COMMD2: variants seen among roughly 807,000 people sequenced by gnomAD.
The protein encoded by COMMD2 is COMM domain-containing protein 2.
Under a neutral mutation model 22.5 loss-of-function variants are expected in COMMD2, and 25 were observed. That is an observed-to-expected ratio of 1.11 (90% CI 0.81 to 1.55). The LOEUF (loss-of-function observed/expected upper bound fraction) is 1.55. Ranked by LOEUF, COMMD2 falls within the 40% of genes most tolerant of loss-of-function variation. The pLI is 0.00. For missense variants in COMMD2, 223 were observed against 232.9 expected, an observed-to-expected ratio of 0.96 and a Z score of 0.28; for synonymous variants, 98 against 91.2, an observed-to-expected ratio of 1.07 and a Z score of -0.42.
chr3:149,741,433 A>C lies in COMMD2; in HGVS notation c.*88T>G. On this transcript the variant is annotated 3_prime_UTR_variant, in exon 5 of 5. Coordinates refer to ENST00000473414, the MANE Select transcript of COMMD2 (RefSeq NM_016094.4). ...GGAATACTATGTATTTATCATCATG[A>C]ATTAATAAAAAATTAATTTTGAAAA... 1 of 1,020,414 alleles carries C rather than the reference A, an allele frequency of 9.8e-7. No homozygotes were observed. 63.2% of individuals were successfully genotyped at this position (1,020,414 alleles called of 1,614,324 possible).
rs1055255274 is a variant in COMMD2 at position 149,741,071 on chromosome 3, T to A, written c.*450A>T. The A allele has an allele frequency of 6.6e-6, 1 of 152,396 alleles. No homozygotes were observed. Among genetic ancestry groups the A allele is most frequent in the East Asian group, 1.9e-4 (1 of 5,192 alleles). The allele number at this position is 152,396 out of a possible 1,614,324, so 9.4% of individuals were successfully genotyped here. A position where few individuals can be genotyped will look rare whatever the true frequency, so the allele number is the denominator to read the frequency against. On this transcript the variant is annotated 3_prime_UTR_variant, in exon 5 of 5. Transcript: ENST00000473414. ...TTTTATTTTTACTTTATTATTATTA[T>A]TATTATTTTTGAGATGGAGTCTCAC...
intron 4 of COMMD2, among the ~76,000 whole-genome samples, chr3:149,747,797 C>T (rs1716420223): frequency 6.6e-6 from 1 of 151,808 alleles, no homozygotes; most frequent in African/African-American, 2.4e-5. Flanking sequence ...ATTAGCTAGG[C>T]ATGGTGGCAC....
intron 4 of COMMD2, among the ~76,000 whole-genome samples, chr3:149,745,627 A>G (rs1199544268): frequency 6.6e-6 from 1 of 152,238 alleles, no homozygotes; most frequent in Non-Finnish European, 1.5e-5. Context: ...TATTCAATAA[A>G]TGGTTTGATA....
In COMMD2 at chr3:149,740,887, T is replaced by C. The variant is rs975190398; in HGVS notation, c.*634A>G. 6.6e-6 allele frequency: 1 copy of C among 152,592 alleles called. No individual in the cohort carries two copies. The highest frequency in any genetic ancestry group is 2.4e-5 in the African/African-American group (1 of 41,416). 9.5% of individuals were successfully genotyped at this position (152,592 alleles called of 1,614,324 possible). A position where few individuals can be genotyped will look rare whatever the true frequency, so the allele number is the denominator to read the frequency against. ...ATAGATTCATTTCTAGTTGATTCAA[T>C]CCTATTTATGTATTTAAAATACAAA... On this transcript the variant is annotated 3_prime_UTR_variant, in exon 5 of 5. Transcript: ENST00000473414.
At chr3:149,747,145 G>T (rs540339631) in intron 4 of COMMD2, among the ~76,000 whole-genome samples, 1 of 152,332 alleles carries the variant, frequency 6.6e-6, no homozygotes, top group South Asian at 2.1e-4. Flanking sequence ...GCCTTTGAAT[G>T]CTTATCAAAT....
chr3:149,751,808 TCTTAC>T (rs1716539770), intron 2 of COMMD2: 1 of 272,886 alleles, frequency 3.7e-6, no homozygotes, highest in East Asian at 6.9e-5. Context: ...AGAGACTGCC[TCTTAC>T]CCAGGGGTAA....
At chr3:149,748,293 T>G (rs1716432643) in intron 4 of COMMD2, among the ~76,000 whole-genome samples, 1 of 152,136 alleles carries the variant, frequency 6.6e-6, no homozygotes, top group African/African-American at 2.4e-5. Context: ...ATGTGGGAGT[T>G]CTTTCCGATT....
chr3:149,742,267 T>C (rs1716250445), intron 4 of COMMD2, among the ~76,000 whole-genome samples: 1 of 152,194 alleles, frequency 6.6e-6, no homozygotes, highest in Admixed American at 6.5e-5. Flanking sequence ...AATATCAGAC[T>C]AGCAAAAATT....
chr3:149,742,255 C>A (rs1280466571), intron 4 of COMMD2, among the ~76,000 whole-genome samples: 2 of 152,110 alleles, frequency 1.3e-5, no homozygotes, highest in Non-Finnish European at 2.9e-5. Context: ...TACCATTTTA[C>A]AAATATCAGA....
rs1323783298 is a variant in COMMD2, at chr3:149,739,893, C to A, written c.*1628G>T. 6.6e-6 allele frequency: 1 copy of A among 152,156 alleles called. No individual in the cohort carries two copies. Among genetic ancestry groups the A allele is most frequent in the Admixed American group, 6.5e-5 (1 of 15,274 alleles). The allele number at this position is 152,156 out of a possible 1,614,324, so 9.4% of individuals were successfully genotyped here. On this transcript the variant is annotated 3_prime_UTR_variant, in exon 5 of 5. Transcript: ENST00000473414. ...CTACAGGAAAAGGGTGGCCCAGATG[C>A]CTGCAGGGACCAATGGGTAACCATC...
chr3:149,743,174 G>A (rs1425035457), intron 4 of COMMD2, among the ~76,000 whole-genome samples: 2 of 151,928 alleles, frequency 1.3e-5, no homozygotes, highest in Non-Finnish European at 2.9e-5. Context: ...CCTTTCATTT[G>A]TATAATATGT....
intron 4 of COMMD2, among the ~76,000 whole-genome samples, chr3:149,748,850 G>C (rs952363835): frequency 1.3e-5 from 2 of 152,220 alleles, no homozygotes; most frequent in African/African-American, 2.4e-5. Flanking sequence ...ATAAGAAAGA[G>C]TCGAGTCAAG....
At chr3:149,745,685 T>G (rs1314913748) in intron 4 of COMMD2, among the ~76,000 whole-genome samples, 1 of 152,122 alleles carries the variant, frequency 6.6e-6, no homozygotes, top group Non-Finnish European at 1.5e-5. Flanking sequence ...CATAAGAAAT[T>G]ATCTTTTTTA....
chr3:149,740,451 A>G lies in COMMD2; in HGVS notation c.*1070T>C, dbSNP rs1716180431. Reference sequence around the variant, plus strand: ...TCTGCATCCATTATTTGTAAATGTAAATGACAGAGTGTCTCCTAGATGCTT... The same window carrying G: ...TCTGCATCCATTATTTGTAAATGTAGATGACAGAGTGTCTCCTAGATGCTT... On this transcript the variant is annotated 3_prime_UTR_variant, in exon 5 of 5. Transcript: ENST00000473414. 6.6e-6 allele frequency: 1 copy of G among 152,220 alleles called. No homozygotes were observed. The highest frequency in any genetic ancestry group is 1.5e-5 in the Non-Finnish European group (1 of 68,036). 9.4% of individuals were successfully genotyped at this position (152,220 alleles called of 1,614,324 possible).
rs1224604368 is a variant in COMMD2, at chr3:149,741,223, C to A, written c.*298G>T. The A allele has an allele frequency of 7.0e-6, 2 of 286,052 alleles. No homozygotes were observed. Among genetic ancestry groups the A allele is most frequent in the South Asian group, 3.8e-5 (1 of 26,522 alleles). 17.7% of individuals were successfully genotyped at this position (286,052 alleles called of 1,614,324 possible). ...GGACTCTGATAGATGCGTGCCACCA[C>A]ACCTGGCTAATTTTTTATATTTTTA... On this transcript the variant is annotated 3_prime_UTR_variant, in exon 5 of 5. Coordinates refer to ENST00000473414, the MANE Select transcript of COMMD2 (RefSeq NM_016094.4).
chr3:149,745,845 T>C (rs926982739), intron 4 of COMMD2, among the ~76,000 whole-genome samples: 4 of 152,236 alleles, frequency 2.6e-5, no homozygotes, highest in Admixed American at 1.3e-4. Context: ...GTCTTAACTC[T>C]TACTCTCCTG....
intron 4 of COMMD2, among the ~76,000 whole-genome samples, chr3:149,746,878 G>A (rs1396305152): frequency 6.6e-6 from 1 of 152,194 alleles, no homozygotes; most frequent in Non-Finnish European, 1.5e-5. Context: ...ATGACAGAAG[G>A]CACCTCTTCA....
At chr3:149,744,549 T>C (rs1389674324) in intron 4 of COMMD2, among the ~76,000 whole-genome samples, 1 of 152,232 alleles carries the variant, frequency 6.6e-6, no homozygotes, top group Non-Finnish European at 1.5e-5. Context: ...CACTAAGCTA[T>C]GATGATTAAT....
At chr3:149,743,700 C>A (rs1264101796) in intron 4 of COMMD2, among the ~76,000 whole-genome samples, 1 of 152,160 alleles carries the variant, frequency 6.6e-6, no homozygotes, top group Non-Finnish European at 1.5e-5. Flanking sequence ...AGTTTAAGAT[C>A]ATCTCTGTAG....
Sources: allele counts gnomAD v4.1 joint callset (sites outside exome capture counted in the v4.1 genomes callset), GRCh38; gene constraint gnomAD v4.1.1; transcripts MANE v1.5; gene names NCBI Gene and HGNC (gene_info 2026-07-23, HGNC 2026-07-21).